EXT1: variants seen among roughly 807,000 people sequenced by gnomAD.
EXT1 encodes the protein exostosin glycosyltransferase 1.
In EXT1, 20 loss-of-function variants were observed where a neutral mutation model predicts 82.5. The observed-to-expected ratio is 0.24, with a 90% CI of 0.17 to 0.35. EXT1 has a LOEUF of 0.35. Ranked by LOEUF, EXT1 falls within the 10% of genes least tolerant of loss-of-function variation. The probability of loss-of-function intolerance (pLI) is 1.00; values close to 1 mark genes in which losing one functional copy is unlikely to be tolerated. For missense variants in EXT1, 757 were observed against 936.5 expected (o/e 0.81, Z 2.50); for synonymous variants, 348 against 350.8 (o/e 0.99, Z 0.09).
chr8:117,898,313 C>A (rs1350527844), intron 1 of EXT1, among the ~76,000 whole-genome samples: 2 of 152,148 alleles, frequency 1.3e-5, no homozygotes, highest in Admixed American at 1.3e-4. Flanking sequence ...GAGGAAGTAC[C>A]TTCCTGTGGG....
chr8:117,856,175 A>T (rs1356166161), intron 1 of EXT1, among the ~76,000 whole-genome samples: 2 of 152,188 alleles, frequency 1.3e-5, no homozygotes, highest in Non-Finnish European at 2.9e-5. Flanking sequence ...GCTGATTTGG[A>T]AAAGTTTTAG....
intron 1 of EXT1, among the ~76,000 whole-genome samples, chr8:118,025,693 G>A (rs1031478173): frequency 6.6e-6 from 1 of 152,174 alleles, no homozygotes; most frequent in Non-Finnish European, 1.5e-5. Context: ...CTCCGGCAAA[G>A]CGGTTTTAGG....
In EXT1 at chr8:117,830,601, C is replaced by G. The variant is rs146126035; in HGVS notation, c.1165-252G>C. On this transcript the variant is annotated intron_variant, in intron 3 of 10. Transcript: ENST00000378204. ...ACAGTTCACCTCTAAGATTCAGTAG[C>G]ACCTTATCAGTTGCTTAGGTTAGTC... Among the ~76,000 whole-genome samples the G allele has an allele frequency of 9.8e-5, 15 of 152,314 alleles. No individual in the cohort carries two copies. In the East Asian group the frequency reaches 2.9e-3, roughly 29 times the overall value.
chr8:118,072,899 G>C (rs17477028), intron 1 of EXT1, among the ~76,000 whole-genome samples: 140 of 152,308 alleles, frequency 9.2e-4, no homozygotes, highest in African/African-American at 3.3e-3. Flanking sequence ...GGAACCCAAG[G>C]CAGGTAGGTC....
intron 1 of EXT1, among the ~76,000 whole-genome samples, chr8:117,878,478 C>T (rs905956466): frequency 2.6e-5 from 4 of 152,198 alleles, no homozygotes; most frequent in Non-Finnish European, 4.4e-5. Context: ...ACTTGAGATA[C>T]ACCATCAAGA....
At chr8:117,846,878 T>G (rs1045130565) in intron 1 of EXT1, among the ~76,000 whole-genome samples, 1 of 152,068 alleles carries the variant, frequency 6.6e-6, no homozygotes, top group Non-Finnish European at 1.5e-5. Flanking sequence ...AGGGAGCACT[T>G]CTTCCCTACA....
At chr8:117,862,456 G>C (rs1812701600) in intron 1 of EXT1, among the ~76,000 whole-genome samples, 3 of 145,564 alleles carry the variant, frequency 2.1e-5, no homozygotes, top group Non-Finnish European at 3.1e-5. Context: ...GAGACTGGTG[G>C]GATTAGGAGG....
In EXT1 at chr8:117,944,589, T is replaced by G. The variant is rs553903209; in HGVS notation, c.963-107388A>C. Reference sequence around the variant, plus strand: ...CAGGTTTGCCCGGCTATGACCGTACTCTGCACAGAAGACTATGTAGGCATG... The same window carrying G: ...CAGGTTTGCCCGGCTATGACCGTACGCTGCACAGAAGACTATGTAGGCATG... On this transcript the variant is annotated intron_variant, in intron 1 of 10. Coordinates refer to ENST00000378204, the MANE Select transcript of EXT1 (RefSeq NM_000127.3). Among the ~76,000 whole-genome samples, 3 of 152,354 alleles carry G rather than the reference T, an allele frequency of 2.0e-5. No individual in the cohort carries two copies. The South Asian group carries it at 6.2e-4, about 32-fold the overall frequency.
At chr8:117,836,018 G>A (rs1210306916) in intron 2 of EXT1, among the ~76,000 whole-genome samples, 1 of 152,202 alleles carries the variant, frequency 6.6e-6, no homozygotes, top group African/African-American at 2.4e-5. Context: ...TTCCTAGGCA[G>A]CAGTTCGTGG....
At chr8:117,933,773 A>C (rs1011127169) in intron 1 of EXT1, among the ~76,000 whole-genome samples, 1 of 152,166 alleles carries the variant, frequency 6.6e-6, no homozygotes, top group African/African-American at 2.4e-5. Flanking sequence ...AGATGATACA[A>C]CTGCCCCTCT....
At chr8:118,058,158 C>A (rs1437191358) in intron 1 of EXT1, among the ~76,000 whole-genome samples, 2 of 152,116 alleles carry the variant, frequency 1.3e-5, no homozygotes, top group Non-Finnish European at 2.9e-5. Flanking sequence ...AAATACACAA[C>A]ACACACAAAT....
intron 1 of EXT1, among the ~76,000 whole-genome samples, chr8:117,863,840 C>A (rs1812728089): frequency 6.6e-6 from 1 of 152,108 alleles, no homozygotes; most frequent in South Asian, 2.1e-4. Context: ...CCCCGCAGAG[C>A]CCAGAGGTAT....
At chr8:117,893,968 C>T (rs1813292672) in intron 1 of EXT1, among the ~76,000 whole-genome samples, 1 of 152,170 alleles carries the variant, frequency 6.6e-6, no homozygotes, top group African/African-American at 2.4e-5. Flanking sequence ...CTGCCTTCAG[C>T]ACGACTCCTG....
intron 7 of EXT1, among the ~76,000 whole-genome samples, chr8:117,815,960 A>G (rs931976053): frequency 2.6e-5 from 4 of 151,556 alleles, no homozygotes; most frequent in Non-Finnish European, 4.4e-5. Flanking sequence ...ATTAACAAAC[A>G]TGCCTAGGAA....
At chr8:117,880,604 T>TC (rs1481741614) in intron 1 of EXT1, among the ~76,000 whole-genome samples, 13 of 150,150 alleles carry the variant, frequency 8.7e-5, no homozygotes, top group Middle Eastern at 6.8e-3. Context: ...CTTTTTTTTT[T>TC]TTTTGAGACA....
chr8:118,067,415 A>G (rs1223164478), intron 1 of EXT1, among the ~76,000 whole-genome samples: 1 of 152,226 alleles, frequency 6.6e-6, no homozygotes, highest in African/African-American at 2.4e-5. Flanking sequence ...GAAGGAATAC[A>G]TGGGCTGGAT....
At chr8:117,870,148 C>A (rs1453237884) in intron 1 of EXT1, among the ~76,000 whole-genome samples, 2 of 152,114 alleles carry the variant, frequency 1.3e-5, no homozygotes, top group Admixed American at 1.3e-4. Flanking sequence ...GATGACCAAA[C>A]TATTCAATTA....
Position 118,078,063 on chromosome 8 carries a change from T to A in EXT1, c.962+32022A>T, listed in dbSNP as rs549197867. ...CTATGATTTAGTCTTGGCCATTTTT[T>A]AAAACAAATTTTTTTTCTATTCTTT... On this transcript the variant is annotated intron_variant, in intron 1 of 10. Transcript: ENST00000378204. Among the ~76,000 whole-genome samples, 4 of 152,330 alleles carry A rather than the reference T, an allele frequency of 2.6e-5. No individual in the cohort carries two copies. In the South Asian group the frequency reaches 8.3e-4, roughly 32 times the overall value.
intron 1 of EXT1, among the ~76,000 whole-genome samples, chr8:117,950,528 C>G (rs906449815): frequency 6.6e-6 from 1 of 152,112 alleles, no homozygotes; most frequent in Admixed American, 6.6e-5. Context: ...CCACAATGAA[C>G]CTTTACTTGG....
Sources: allele counts gnomAD v4.1 joint callset (sites outside exome capture counted in the v4.1 genomes callset), GRCh38; gene constraint gnomAD v4.1.1; transcripts MANE v1.5; gene names NCBI Gene and HGNC (gene_info 2026-07-23, HGNC 2026-07-21).